The following TACC3 variants were observed in gnomAD, a reference collection of about 807,000 sequenced individuals.
The protein encoded by TACC3 is transforming acidic coiled-coil-containing protein 3.
A neutral mutation model predicts 86.0 loss-of-function variants in TACC3; 52 were observed. That is an observed-to-expected ratio of 0.60 (90% CI 0.48 to 0.76). The LOEUF (loss-of-function observed/expected upper bound fraction) is 0.76, where lower values mean the gene tolerates loss of function less well. Among genes scored for constraint, TACC3 ranks in the 30% least tolerant of loss-of-function variants. The probability of loss-of-function intolerance (pLI) is 0.00; values close to 1 mark genes in which losing one functional copy is unlikely to be tolerated. For missense variants in TACC3, 1,120 were observed against 1,070.4 expected (o/e 1.05, Z -0.65); for synonymous variants, 512 against 430.0 (o/e 1.19, Z -2.36).
At chr4:1,740,410 G>A (rs1718529141) in intron 12 of TACC3, 1 of 352,446 alleles carries the variant, frequency 2.8e-6, no homozygotes, top group Non-Finnish European at 5.3e-6. Flanking sequence ...TTGGGCTCCT[G>A]GAGGTGCTAC....
upstream of TACC3, chr4:1,720,723 C>T: frequency 1.9e-6 from 3 of 1,564,260 alleles, no homozygotes; most frequent in Non-Finnish European, 2.6e-6. The surrounding 1 kb of genome is among the most constrained non-coding windows in gnomAD (Gnocchi z 4.4). Flanking sequence ...CCCAGCCAGC[C>T]CGACAGCAGG....
At chr4:1,739,398 A>C (rs1718450799) in intron 10 of TACC3, 1 of 478,546 alleles carries the variant, frequency 2.1e-6, no homozygotes, top group East Asian at 3.4e-5. Context: ...TAGGACCCCT[A>C]GTATCTGCCA....
In TACC3 at chr4:1,737,661, G is replaced by A; in HGVS notation, c.1900G>A (p.Val634Met). The A allele has an allele frequency of 3.9e-6, 6 of 1,550,236 alleles. No individual in the cohort carries two copies. The highest frequency in any genetic ancestry group is 5.2e-6 in the Non-Finnish European group (6 of 1,146,426). The change falls in exon 10 of 16, where the codon GTG becomes ATG. Residue 634 changes from valine (V) to methionine (M), a missense_variant. Transcript: ENST00000313288. The part of the protein sequence containing the change: ...GGPPLSTGPI[V>M]DLLQYSQKDL... ...CCCACCCCTGTCCACCGGACCTATA[G>A]TGGACCTGCTCCAGTACAGCCAGAA... is the stretch of plus-strand genomic sequence containing the variant.
At position 1,723,824 on chromosome 4, in the gene TACC3, A is replaced by G. The variant is rs577000546; in HGVS notation, c.259A>G (p.Thr87Ala). The G allele has an allele frequency of 4.0e-5, 65 of 1,613,468 alleles. 1 individual carries two copies. The South Asian group carries it at 5.8e-4, about 14-fold the overall frequency. Residue 87 changes from threonine to alanine, a missense_variant, in exon 3 of 16, where the codon ACC (threonine) becomes GCC (alanine). Coordinates refer to ENST00000313288, the MANE Select transcript of TACC3 (RefSeq NM_006342.3). ...KLEAPFTQDD[T>A]LGLENSHPVW... is the part of the protein sequence containing the mutation. ...TGAGGCTCCTTTCACTCAGGATGAC[A>G]CCCTTGGACTGGAAAACTCACACCC... is the stretch of plus-strand genomic sequence containing the variant.
rs764377886 is a variant in TACC3, at chr4:1,735,347, G to A, written c.1644+22G>A. On this transcript the variant is annotated intron_variant, in intron 7 of 15. Transcript: ENST00000313288. The surrounding 1 kb of genome is among the most constrained non-coding windows in gnomAD (Gnocchi z 4.2). The stretch of plus-strand genomic sequence containing the variant: ...CTCGGTAGGTACCAGGCAATTCCGC[G>A]AAGCCTCACCCACAGGGTGTCCGAG... 6.2e-6 allele frequency: 10 copies of A among 1,613,804 alleles called. No homozygotes were observed. In the Admixed American group the frequency reaches 8.3e-5, roughly 13 times the overall value.
chr4:1,730,673 A>C (rs745526401), intron 4 of TACC3: 1 of 696,272 alleles, frequency 1.4e-6, no homozygotes, highest in Non-Finnish European at 2.6e-6. Context: ...CAGAGCTGGC[A>C]GGCAAGGCGC....
chr4:1,738,981 G>T (rs1012069636), intron 10 of TACC3, among the ~76,000 whole-genome samples: 10 of 152,260 alleles, frequency 6.6e-5, no homozygotes, highest in Admixed American at 6.5e-4. Context: ...GAAGCAAGGG[G>T]CGAAGAGAAC....
chr4:1,743,595 C>T (rs1205632134), intron 13 of TACC3, among the ~76,000 whole-genome samples: 1 of 151,670 alleles, frequency 6.6e-6, no homozygotes, highest in Admixed American at 6.6e-5. Context: ...ATGGAAATTT[C>T]TAACAGGTAC....
chr4:1,737,801 GCCAT>G, intron 10 of TACC3, 99 bp downstream of exon 10: 2 of 980,418 alleles, frequency 2.0e-6, no homozygotes, highest in Non-Finnish European at 3.0e-6. Context: ...CGCCATCCCT[GCCAT>G]CCCTGCCCCT....
intron 10 of TACC3, chr4:1,738,289 G>A (rs577661646): frequency 1.5e-4 from 34 of 230,532 alleles, no homozygotes; most frequent in South Asian, 4.7e-4. Flanking sequence ...GGGTGGTTCC[G>A]GAGGCCGGCT....
intron 11 of TACC3, 50 bp from the exon 12 acceptor site, chr4:1,739,909 G>A (rs759966448): frequency 1.2e-6 from 2 of 1,611,446 alleles, no homozygotes; most frequent in South Asian, 1.1e-5. Context: ...CCTGGCCTGG[G>A]ACCGCTGGGC....
At chr4:1,722,628 C>T (rs746458062) in intron 1 of TACC3, among the ~76,000 whole-genome samples, 3 of 152,218 alleles carry the variant, frequency 2.0e-5, no homozygotes, top group Non-Finnish European at 4.4e-5. Context: ...CCCAGGTCCC[C>T]CTCCACCACC....
chr4:1,727,485 C>T (rs1478478530), intron 3 of TACC3, among the ~76,000 whole-genome samples: 1 of 152,152 alleles, frequency 6.6e-6, no homozygotes, highest in East Asian at 1.9e-4. Context: ...GAGGAAGTCA[C>T]GTGGTTGTGT....
rs777896253 is a variant in TACC3 at position 1,723,438 on chromosome 4, T to TA, written c.20dup (p.Asn7LysfsTer8). The TA allele has an allele frequency of 5.0e-6, 8 of 1,613,264 alleles. No individual in the cohort carries two copies. Among genetic ancestry groups the TA allele is most frequent in the Non-Finnish European group, 6.8e-6 (8 of 1,179,916 alleles). On this transcript the variant is annotated frameshift_variant, in exon 2 of 16. Transcript: ENST00000313288. LOFTEE classifies it high-confidence loss of function. ...TTTTCCAGAATGAGTCTGCAGGTCT[T>TA]AAACGACAAAAATGTCAGCAATGAA...
chr4:1,732,498 G>T (rs532379828), intron 6 of TACC3, among the ~76,000 whole-genome samples: 107 of 152,372 alleles, frequency 7.0e-4, no homozygotes, highest in Non-Finnish European at 1.4e-3. Flanking sequence ...AAATTAAAGT[G>T]CATTTGGTAG....
At chr4:1,737,016 G>A (rs567767485) in intron 8 of TACC3, among the ~76,000 whole-genome samples, 6 of 152,182 alleles carry the variant, frequency 3.9e-5, no homozygotes, top group Non-Finnish European at 8.8e-5. Flanking sequence ...GTGCTCTCCC[G>A]GAAGGACAAG....
intron 11 of TACC3, 35 bp from the exon 12 acceptor site, chr4:1,739,924 G>A (rs369811171): frequency 6.0e-5 from 96 of 1,602,476 alleles, no homozygotes; most frequent in Non-Finnish European, 7.6e-5. Context: ...CTGGGCACCC[G>A]AGGCAATGGC....
At chr4:1,733,534 C>T (rs28593426) in intron 6 of TACC3, among the ~76,000 whole-genome samples, 4,407 of 152,060 alleles carry the variant, frequency 0.029, 98 homozygotes, top group South Asian at 0.065. Context: ...TGGCGTACAC[C>T]TATAGTCCCA....
intron 1 of TACC3, 177 bp from the exon 2 acceptor site, chr4:1,723,244 G>A (rs1235349887): frequency 3.1e-6 from 2 of 649,154 alleles, no homozygotes; most frequent in Admixed American, 3.0e-5. Context: ...AAGCAAGATG[G>A]GGACTCAGTC....
Sources: allele counts gnomAD v4.1 joint callset (sites outside exome capture counted in the v4.1 genomes callset), GRCh38; gene constraint gnomAD v4.1.1; non-coding constraint Gnocchi (gnomAD v3.1); transcripts MANE v1.5; gene names NCBI Gene and HGNC (gene_info 2026-07-23, HGNC 2026-07-21).